GAS7: variants seen among roughly 807,000 people sequenced by gnomAD.
GAS7 encodes the protein growth arrest-specific protein 7.
GAS7 carries 28 observed loss-of-function variants against 71.1 expected under a neutral mutation model. That is an observed-to-expected ratio of 0.39 (90% CI 0.29 to 0.54). GAS7 has a LOEUF of 0.54. Among genes scored for constraint, GAS7 ranks in the 20% least tolerant of loss-of-function variants. GAS7 has a pLI of 0.62. For synonymous variants in GAS7, 258 were observed against 245.8 expected (o/e 1.05, Z -0.46); for missense variants, 436 against 627.8 (o/e 0.69, Z 3.27).
intron 5 of GAS7, among the ~76,000 whole-genome samples, chr17:9,958,177 T>C (rs1479414099): frequency 1.3e-5 from 2 of 152,176 alleles, no homozygotes; most frequent in African/African-American, 4.8e-5. Context: ...GCTGTTGCAC[T>C]GTCATTAATA....
chr17:10,073,121 G>A (rs1012528689), intron 1 of GAS7, among the ~76,000 whole-genome samples: 1 of 152,192 alleles, frequency 6.6e-6, no homozygotes. Context: ...TACACAAAGC[G>A]TGGCACAGCC....
intron 2 of GAS7, among the ~76,000 whole-genome samples, chr17:9,993,847 T>C (rs1227849763): frequency 6.6e-6 from 1 of 151,962 alleles, no homozygotes; most frequent in Non-Finnish European, 1.5e-5. Flanking sequence ...GGATACAAAA[T>C]CAATGTACAA....
chr17:9,997,907 A>G lies in GAS7; in HGVS notation c.305-16023T>C, dbSNP rs2071109913. Among the ~76,000 whole-genome samples, 3 of 152,262 alleles carry G rather than the reference A, an allele frequency of 2.0e-5. No homozygotes were observed. The South Asian group carries it at 6.2e-4, about 31-fold the overall frequency. ...CAGGGCCAGGGATGGGGGAAGGGGC[A>G]CAGGGCTTCCATGCCCTCTCCTGGC... On this transcript the variant is annotated intron_variant, in intron 2 of 13. Transcript: ENST00000432992.
At chr17:10,048,250 G>A (rs913594518) in intron 1 of GAS7, among the ~76,000 whole-genome samples, 8 of 152,350 alleles carry the variant, frequency 5.3e-5, no homozygotes, top group South Asian at 4.1e-4. Context: ...TGCAGAGAGC[G>A]GTGATCGCGC....
chr17:9,970,001 T>C (rs1438866336), intron 3 of GAS7, among the ~76,000 whole-genome samples: 1 of 152,186 alleles, frequency 6.6e-6, no homozygotes, highest in Non-Finnish European at 1.5e-5. Context: ...AGTTTCTTTT[T>C]TAACCCGAGA....
At chr17:10,018,773 AC>A (rs562172063) in intron 2 of GAS7, among the ~76,000 whole-genome samples, 1 of 152,032 alleles carries the variant, frequency 6.6e-6, no homozygotes, top group African/African-American at 2.4e-5. Flanking sequence ...TAGTAACGAT[AC>A]CCCCAGGTGG....
In GAS7 at chr17:9,917,145, G is replaced by C. The variant is rs553982549; in HGVS notation, c.*83C>G. The C allele has an allele frequency of 1.6e-5, 14 of 866,264 alleles. 1 individual carries two copies. The East Asian group carries it at 2.7e-4, about 17-fold the overall frequency. 53.7% of individuals were successfully genotyped at this position (866,264 alleles called of 1,614,324 possible). The stretch of plus-strand genomic sequence containing the variant: ...CCTCAGTGGCCCAGGAGAGAGGGTG[G>C]GGGGCATCCACTCGGCATGGGCCCC... On this transcript the variant is annotated 3_prime_UTR_variant, in exon 14 of 14. Transcript: ENST00000432992.
intron 2 of GAS7, among the ~76,000 whole-genome samples, chr17:9,998,992 G>A (rs2071157746): frequency 6.6e-6 from 1 of 152,212 alleles, no homozygotes; most frequent in African/African-American, 2.4e-5. Flanking sequence ...CGGTGACCAT[G>A]TTGAACTGTA....
intron 1 of GAS7, among the ~76,000 whole-genome samples, chr17:10,048,786 T>C (rs2073019011): frequency 6.6e-6 from 1 of 152,116 alleles, no homozygotes. Flanking sequence ...AGAGAGAAAA[T>C]TAGGAAGACA....
chr17:9,947,841 A>C (rs1390948560), intron 5 of GAS7, among the ~76,000 whole-genome samples: 2 of 151,882 alleles, frequency 1.3e-5, no homozygotes, highest in East Asian at 1.9e-4. Context: ...AACAAAAAAA[A>C]AAAAAAAGCA....
At chr17:10,109,387 C>T (rs1286234058) in intron 1 of GAS7, among the ~76,000 whole-genome samples, 2 of 151,942 alleles carry the variant, frequency 1.3e-5, no homozygotes, top group African/African-American at 2.4e-5. Flanking sequence ...TAATGACAGC[C>T]GTTAGAACAG....
chr17:10,039,828 G>T (rs963583479), intron 1 of GAS7: 5 of 445,776 alleles, frequency 1.1e-5, no homozygotes, highest in African/African-American at 1.0e-4. Context: ...CCGTTTAGGG[G>T]TGTGGCACCC....
intron 1 of GAS7, among the ~76,000 whole-genome samples, chr17:10,082,446 AG>A (rs1159802284): frequency 6.6e-6 from 1 of 152,244 alleles, no homozygotes; most frequent in Non-Finnish European, 1.5e-5. Flanking sequence ...ACAAGATAAA[AG>A]CACCATGGGA....
chr17:9,995,955 A>C (rs1373996029), intron 2 of GAS7, among the ~76,000 whole-genome samples: 1 of 152,230 alleles, frequency 6.6e-6, no homozygotes, highest in East Asian at 1.9e-4. Flanking sequence ...CACTACGTGT[A>C]CAAAAGGTTC....
intron 4 of GAS7, among the ~76,000 whole-genome samples, chr17:9,961,856 T>C (rs1056909044): frequency 6.6e-6 from 1 of 152,190 alleles, no homozygotes; most frequent in African/African-American, 2.4e-5. Context: ...CTCTTTCCTC[T>C]ATCTTCCGCC....
intron 1 of GAS7, among the ~76,000 whole-genome samples, chr17:10,130,614 T>C (rs1384082812): frequency 6.6e-6 from 1 of 152,182 alleles, no homozygotes; most frequent in African/African-American, 2.4e-5. Flanking sequence ...GCCCACCAAC[T>C]GATGAGCAAA....
chr17:10,170,610 A>T (rs913704847), intron 1 of GAS7, among the ~76,000 whole-genome samples: 3 of 152,160 alleles, frequency 2.0e-5, no homozygotes, highest in Non-Finnish European at 4.4e-5. Context: ...ATCACCATGC[A>T]GTTTGCTTAG....
At chr17:10,077,188 A>G (rs947616603) in intron 1 of GAS7, among the ~76,000 whole-genome samples, 4 of 152,182 alleles carry the variant, frequency 2.6e-5, no homozygotes, top group African/African-American at 4.8e-5. Context: ...AGAGCTAACA[A>G]GGAGGTTGGA....
intron 2 of GAS7, among the ~76,000 whole-genome samples, chr17:9,982,955 G>A (rs2070491165): frequency 6.6e-6 from 1 of 152,168 alleles, no homozygotes; most frequent in Admixed American, 6.5e-5. Context: ...TCACTGCCAT[G>A]AGCAGAGACT....
Sources: allele counts gnomAD v4.1 joint callset (sites outside exome capture counted in the v4.1 genomes callset), GRCh38; gene constraint gnomAD v4.1.1; transcripts MANE v1.5; gene names NCBI Gene and HGNC (gene_info 2026-07-23, HGNC 2026-07-21).